Variants in HOOK2 observed in about 807,000 individuals in gnomAD.
HOOK2 encodes hook microtubule tethering protein 2.
A neutral mutation model predicts 111.9 loss-of-function variants in HOOK2; 108 were observed. The observed-to-expected ratio is 0.96, with a 90% CI of 0.83 to 1.13. The LOEUF (loss-of-function observed/expected upper bound fraction) is 1.13, where lower values mean the gene tolerates loss of function less well. Among genes scored for constraint, HOOK2 ranks in the 50% most tolerant of loss-of-function variants. The probability of loss-of-function intolerance (pLI) is 0.00; values close to 1 mark genes in which losing one functional copy is unlikely to be tolerated. For synonymous variants in HOOK2, 405 were observed against 394.3 expected, an observed-to-expected ratio of 1.03 and a Z score of -0.32; for missense variants, 978 against 951.3, an observed-to-expected ratio of 1.03 and a Z score of -0.37.
Position 12,765,974 on chromosome 19 carries a change from C to T in HOOK2, c.1552G>A (p.Glu518Lys), listed in dbSNP as rs780493414. ...TCCTGCAGGGCTTTCTGCAGGTCCTCCACCTGGGCCCGCAGCTCGGATAGC... is the reference window on the plus strand; with the variant it reads ...TCCTGCAGGGCTTTCTGCAGGTCCTTCACCTGGGCCCGCAGCTCGGATAGC... ...QQLSELRAQV[E>K]DLQKALQEQG... Residue 518 changes from glutamate (E) to lysine (K), a missense_variant, in exon 16 of 23, where the codon GAG becomes AAG. By Grantham distance (56) the Glu-to-Lys change is moderately conservative. Coordinates refer to ENST00000397668, the MANE Select transcript of HOOK2 (RefSeq NM_013312.3). The T allele has an allele frequency of 1.9e-6, 3 of 1,614,068 alleles. No individual in the cohort carries two copies. The highest frequency in any genetic ancestry group is 2.5e-6 in the Non-Finnish European group (3 of 1,180,012).
Position 12,791,940 on chromosome 19 carries a change from G to A in HOOK2, n.42-17715C>T, listed in dbSNP as rs1320462888. The A allele has an allele frequency of 6.2e-7, 1 of 1,611,292 alleles. No individual in the cohort carries two copies. The highest frequency in any genetic ancestry group is 1.3e-5 in the African/African-American group (1 of 75,020). On this transcript the variant is annotated intron_variant and non_coding_transcript_variant, in intron 3 of 3. Coordinates refer to the HOOK2 transcript ENST00000589765. The surrounding 1 kb of genome is among the most constrained non-coding windows in gnomAD (Gnocchi z 7.0). ...GAGTCTCAAAGCGCCTGGGGCTCGC[G>A]GACCCGGCCCAGAGGGCGGCGGTGG...
At position 12,791,694 on chromosome 19, in the gene HOOK2, C is replaced by T; in HGVS notation, n.42-17469G>A. On this transcript the variant is annotated intron_variant and non_coding_transcript_variant, in intron 3 of 3. Transcript: ENST00000589765. This position sits in a 1 kb window ranked among gnomAD's most constrained non-coding sequence, Gnocchi z 7.0. ...CAGGCACCCAGTCCGGTCACCGCAG[C>T]GGAGAGCTCGCCGCTCGCTGCAGCG... The T allele has an allele frequency of 8.9e-7, 1 of 1,127,800 alleles. No homozygotes were observed. The highest frequency in any genetic ancestry group is 1.6e-5 in the South Asian group (1 of 61,574). The allele number at this position is 1,127,800 out of a possible 1,614,324, so 69.9% of individuals were successfully genotyped here.
At chr19:12,772,311 A>G in intron 6 of HOOK2, 59 bp from the exon 7 acceptor site, 5 of 1,548,562 alleles carry the variant, frequency 3.2e-6, no homozygotes, top group Non-Finnish European at 4.5e-6. Flanking sequence ...CCTTCAAAGT[A>G]TCTACTATCC....
chr19:12,763,638 G>A, intron 21 of HOOK2, 30 bp downstream of exon 21: 2 of 1,613,808 alleles, frequency 1.2e-6, no homozygotes, highest in Non-Finnish European at 1.7e-6. Flanking sequence ...AGATACGTTG[G>A]AGGCAGCGTA....
chr19:12,772,102 G>A lies in HOOK2; in HGVS notation c.519+88C>T, dbSNP rs969819478. ...GACCTTTAACAAGGTTAAGTCACAA[G>A]GTTAATCACAGCAAACTTATCCCCA... On this transcript the variant is annotated intron_variant, in intron 7 of 22. Transcript: ENST00000397668. 8.1e-6 allele frequency: 8 copies of A among 992,902 alleles called. No homozygotes were observed. In the African/African-American group the frequency reaches 9.6e-5, roughly 12 times the overall value. The allele number at this position is 992,902 out of a possible 1,614,324, so 61.5% of individuals were successfully genotyped here.
At chr19:12,772,169 C>T (rs1599497487) in intron 7 of HOOK2, 21 bp downstream of exon 7, 1 of 1,577,492 alleles carries the variant, frequency 6.3e-7, no homozygotes, top group African/African-American at 1.3e-5. Context: ...GCCTGGAACA[C>T]CTTTCCCCCA....
rs768767082 is a variant in HOOK2 at position 12,765,819 on chromosome 19, T to C, written c.1605+10A>G. 3.7e-6 allele frequency: 6 copies of C among 1,613,038 alleles called. 1 individual carries two copies. Among genetic ancestry groups the C allele is most frequent in the Admixed American group, 3.3e-5 (2 of 59,992 alleles). On this transcript the variant is annotated intron_variant, in intron 17 of 22. Transcript: ENST00000397668. ...GGTAGGGGGTGCCATCCTGGGCCCA[T>C]GGTACTTACAATGGCCTGTATGGGG...
upstream of HOOK2, among the ~76,000 whole-genome samples, chr19:12,776,487 C>T (rs902282975): frequency 2.4e-4 from 36 of 151,498 alleles, no homozygotes; most frequent in African/African-American, 8.5e-4. Context: ...CGAGACCAGC[C>T]TGGCCAACAT....
upstream of HOOK2, among the ~76,000 whole-genome samples, chr19:12,782,424 T>G (rs896710344): frequency 6.6e-6 from 1 of 152,062 alleles, no homozygotes; most frequent in African/African-American, 2.4e-5. Flanking sequence ...GGGCGGGAAG[T>G]GGGAGTCAAA....
At chr19:12,769,774 C>A in intron 11 of HOOK2, 107 bp downstream of exon 11, 1 of 912,236 alleles carries the variant, frequency 1.1e-6, no homozygotes, top group Non-Finnish European at 1.5e-6. Flanking sequence ...AGAGCGTGGC[C>A]TACGTACAAA....
At position 12,763,742 on chromosome 19, in the gene HOOK2, C is replaced by T. The variant is rs879067276; in HGVS notation, c.1864G>A (p.Ala622Thr). 7 of 1,614,186 alleles carry T rather than the reference C, an allele frequency of 4.3e-6. No individual in the cohort carries two copies. Among genetic ancestry groups the T allele is most frequent in the Non-Finnish European group, 5.9e-6 (7 of 1,180,018 alleles). The part of the protein sequence containing the change: ...QTMEPKQRPA[A>T]GAPPELHSLR... Reference sequence around the variant, plus strand: ...GAATGGAGTTCTGGAGGTGCCCCCGCAGCTGGCCGCTGCTTGGGTTCCATG... The same window carrying T: ...GAATGGAGTTCTGGAGGTGCCCCCGTAGCTGGCCGCTGCTTGGGTTCCATG... Residue 622 changes from alanine (A) to threonine (T), a missense_variant, in exon 21 of 23, where the codon GCG (alanine) becomes ACG (threonine). This residue lies in a region of HOOK2 where 277 missense variants were observed against 265.8 expected (regional missense o/e 1.04). Transcript: ENST00000397668.
chr19:12,773,338 C>A (rs1410661697), intron 3 of HOOK2: 1 of 365,184 alleles, frequency 2.7e-6, no homozygotes, highest in East Asian at 5.6e-5. Flanking sequence ...CAGCCTCGAC[C>A]TCCTGGGGTC....
At position 12,771,272 on chromosome 19, in the gene HOOK2, T is replaced by C; in HGVS notation, c.648A>G (p.Ala216=). 1.2e-6 allele frequency: 2 copies of C among 1,604,258 alleles called. No homozygotes were observed. Among genetic ancestry groups the C allele is most frequent in the South Asian group, 2.2e-5 (2 of 89,480 alleles). ...EEKQSLAQEN[A]GLRERMGRPE... is the part of the protein sequence containing the mutation. ...GCCGGCCCATCCGCTCCCGCAGCCC[T>C]GCATTCTCTTGCGCCAGGCTCTGCT... The change falls in exon 9 of 23, where the codon GCA becomes GCG. Residue 216 remains alanine, a synonymous_variant. Transcript: ENST00000397668.
intron 11 of HOOK2, among the ~76,000 whole-genome samples, chr19:12,768,624 T>C (rs1022029267): frequency 6.6e-6 from 1 of 151,856 alleles, no homozygotes; most frequent in African/African-American, 2.4e-5. Flanking sequence ...TTTTCTTTTT[T>C]AAAAAAAATT....
chr19:12,774,739 T>A lies in HOOK2; in HGVS notation c.134A>T (p.Asp45Val), dbSNP rs369895613. ...CCATGCCTCGTTGAACCAGGAGGGGTCTCTGGGGGCGAGAAGGTGGGATGA... is the reference window on the plus strand; with the variant it reads ...CCATGCCTCGTTGAACCAGGAGGGGACTCTGGGGGCGAGAAGGTGGGATGA... ...LAVAYVLNQI[D>V]PSWFNEAWLQ... The change falls in exon 3 of 23, where the codon GAC becomes GTC. Residue 45 changes from aspartate (D) to valine (V), a missense_variant and splice_region_variant. Coordinates refer to ENST00000397668, the MANE Select transcript of HOOK2 (RefSeq NM_013312.3). 6.2e-7 allele frequency: 1 copy of A among 1,613,520 alleles called. No homozygotes were observed. Among genetic ancestry groups the A allele is most frequent in the Non-Finnish European group, 8.5e-7 (1 of 1,179,836 alleles).
chr19:12,783,227 G>A (rs1358885324), upstream of HOOK2, among the ~76,000 whole-genome samples: 1 of 152,054 alleles, frequency 6.6e-6, no homozygotes, highest in African/African-American at 2.4e-5. Context: ...AAGTTCTGGG[G>A]ACTTCGCTCT....
At position 12,774,821 on chromosome 19, in the gene HOOK2, A is replaced by G; in HGVS notation, c.122T>C (p.Leu41Pro). ...LSSGLAVAYVLNQIDPSWFNE... is the reference protein window; with the variant it reads ...LSSGLAVAYVPNQIDPSWFNE... ...CTTCAGCTCCACTCACATCTGGTTC[A>G]GCACATAGGCTACGGCAAGGCCGCT... Residue 41 changes from leucine (L) to proline (P), a missense_variant, in exon 2 of 23, where the codon CTG becomes CCG. This residue lies in a region of HOOK2 where 301 missense variants were observed against 286.1 expected (regional missense o/e 1.05). Coordinates refer to ENST00000397668, the MANE Select transcript of HOOK2 (RefSeq NM_013312.3). 1 of 1,614,136 alleles carries G rather than the reference A, an allele frequency of 6.2e-7. No homozygotes were observed. The highest frequency in any genetic ancestry group is 8.5e-7 in the Non-Finnish European group (1 of 1,179,992).
chr19:12,789,263 T>C (rs1968683518), intron 3 of HOOK2, among the ~76,000 whole-genome samples: 1 of 151,790 alleles, frequency 6.6e-6, no homozygotes, highest in African/African-American at 2.4e-5. Context: ...TCTAGTGGGT[T>C]CACACACTAA....
At chr19:12,784,568 GAC>G (rs2145797282) in intron 3 of HOOK2, 1 of 152,632 alleles carries the variant, frequency 6.6e-6, no homozygotes, top group South Asian at 2.1e-4. Context: ...CAGCAAGGCA[GAC>G]ACAATGGCGT....
Sources: gnomAD v4.1 joint callset for allele counts (sites outside exome capture counted in the v4.1 genomes callset) on GRCh38, gnomAD v4.1.1 for gene constraint, gnomAD v4.1.1 regional missense constraint, Gnocchi (gnomAD v3.1) non-coding constraint, MANE v1.5 for transcripts, NCBI Gene and HGNC (gene_info 2026-07-23, HGNC 2026-07-21) for gene names.